NRG1: variants seen among roughly 807,000 people sequenced by gnomAD.
NRG1 encodes neuregulin 1.
A neutral mutation model predicts 63.8 loss-of-function variants in NRG1; 18 were observed. The observed-to-expected ratio is 0.28, with a 90% confidence interval of 0.19 to 0.42. The LOEUF is 0.42. Ranked by LOEUF, NRG1 falls within the 10% of genes least tolerant of loss-of-function variation. The probability of loss-of-function intolerance (pLI) is 1.00; values close to 1 mark genes in which losing one functional copy is unlikely to be tolerated. For synonymous variants in NRG1, 302 were observed against 301.3 expected, an observed-to-expected ratio of 1.00 and a Z score of -0.02; for missense variants, 762 against 814.7, an observed-to-expected ratio of 0.94 and a Z score of 0.79.
chr8:31,983,134 T>A (rs1809450004), intron 1 of NRG1, among the ~76,000 whole-genome samples: 1 of 152,136 alleles, frequency 6.6e-6, no homozygotes, highest in Non-Finnish European at 1.5e-5. Context: ...AGAATATTTT[T>A]CTTTCAATGA....
intron 1 of NRG1, among the ~76,000 whole-genome samples, chr8:32,084,146 TA>T (rs1425140216): frequency 1.3e-5 from 2 of 152,174 alleles, no homozygotes; most frequent in African/African-American, 4.8e-5. Flanking sequence ...TTATAGAAAC[TA>T]AAAATAGAAT....
intron 1 of NRG1, among the ~76,000 whole-genome samples, chr8:31,940,651 G>A (rs1801611853): frequency 6.6e-6 from 1 of 152,078 alleles, no homozygotes; most frequent in Non-Finnish European, 1.5e-5. Context: ...TATACCATTA[G>A]TGAGATTAAC....
At chr8:32,058,334 T>G (rs934257660) in intron 1 of NRG1, among the ~76,000 whole-genome samples, 43 of 152,138 alleles carry the variant, frequency 2.8e-4, no homozygotes, top group African/African-American at 9.6e-4. Context: ...ATAAAATAAA[T>G]AAGGATCTGA....
At chr8:32,299,333 AC>A (rs1234604338) in intron 1 of NRG1, among the ~76,000 whole-genome samples, 1 of 152,192 alleles carries the variant, frequency 6.6e-6, no homozygotes, top group African/African-American at 2.4e-5. Flanking sequence ...AGTGCCGAGG[AC>A]TAAAGATAAA....
chr8:31,737,049 A>T (rs894239172), intron 1 of NRG1, among the ~76,000 whole-genome samples: 3 of 152,154 alleles, frequency 2.0e-5, no homozygotes, highest in Admixed American at 6.6e-5. Flanking sequence ...CATCTAGGCC[A>T]AGACTGGGTC....
intron 1 of NRG1, among the ~76,000 whole-genome samples, chr8:32,332,152 G>GATATAAAAAA (rs1171883490): frequency 1.3e-5 from 2 of 152,010 alleles, no homozygotes; most frequent in African/African-American, 4.8e-5. Flanking sequence ...ATAAAAAAAA[G>GATATAAAAAA]AAGGTTGTAA....
chr8:32,727,097 C>T (rs571701074), intron 5 of NRG1, among the ~76,000 whole-genome samples: 41 of 152,174 alleles, frequency 2.7e-4, no homozygotes, highest in Admixed American at 2.6e-3. Context: ...GTACTAAATG[C>T]CCTGGTGGCC....
intron 1 of NRG1, among the ~76,000 whole-genome samples, chr8:32,535,716 C>T (rs1831897889): frequency 1.3e-5 from 2 of 152,102 alleles, no homozygotes; most frequent in Non-Finnish European, 2.9e-5. Context: ...CAATTGCTTC[C>T]CCATGTGCCT....
At chr8:32,114,258 C>T (rs992793824) in intron 1 of NRG1, among the ~76,000 whole-genome samples, 1 of 152,210 alleles carries the variant, frequency 6.6e-6, no homozygotes, top group African/African-American at 2.4e-5. Context: ...TCTGTCCCTG[C>T]AACATCTTTC....
At chr8:32,155,333 GA>G (rs2131856631) in intron 1 of NRG1, among the ~76,000 whole-genome samples, 1 of 152,256 alleles carries the variant, frequency 6.6e-6, no homozygotes, top group Non-Finnish European at 1.5e-5. Flanking sequence ...TTTGAATCTT[GA>G]GTTTTCTTCC....
At chr8:31,999,744 T>C (rs1222904360) in intron 1 of NRG1, among the ~76,000 whole-genome samples, 2 of 151,956 alleles carry the variant, frequency 1.3e-5, no homozygotes, top group African/African-American at 2.4e-5. Context: ...TGGGATCTTA[T>C]AATCATGTAA....
chr8:31,640,550 G>A lies in NRG1; in HGVS notation c.37+1119G>A, dbSNP rs992418789. 1.9e-6 allele frequency: 3 copies of A among 1,611,704 alleles called. No individual in the cohort carries two copies. The African/African-American group carries it at 4.0e-5, about 22-fold the overall frequency. ...CTCACCGTGCGCCTGGGGACCTGGG[G>A]CCACCCCGCCTTCCCCTCCTGCGGG... On this transcript the variant is annotated intron_variant, in intron 1 of 10. Transcript: ENST00000519301. This position sits in a 1 kb window ranked among gnomAD's most constrained non-coding sequence, Gnocchi z 6.3.
intron 1 of NRG1, among the ~76,000 whole-genome samples, chr8:32,483,424 C>A (rs907036674): frequency 6.6e-6 from 1 of 152,208 alleles, no homozygotes; most frequent in Non-Finnish European, 1.5e-5. Flanking sequence ...TCTACTCCAT[C>A]TCCGGCTTTT....
intron 1 of NRG1, among the ~76,000 whole-genome samples, chr8:31,970,357 T>G (rs1035717120): frequency 6.6e-6 from 1 of 152,144 alleles, no homozygotes; most frequent in African/African-American, 2.4e-5. Context: ...CCTGCTACCC[T>G]ATGGACATTG....
In NRG1 at chr8:32,758,268, T is replaced by C. The variant is rs558586487; in HGVS notation, c.922-1038T>C. Among the ~76,000 whole-genome samples the C allele has an allele frequency of 2.0e-5, 3 of 151,840 alleles. No individual in the cohort carries two copies. In the South Asian group the frequency reaches 6.2e-4, roughly 32 times the overall value. Reference sequence around the variant, plus strand: ...ATAGAAACAGTAAAAACTACTGTGGTTTGCTGATAAAAATAAAGTAGACTC... The same window carrying C: ...ATAGAAACAGTAAAAACTACTGTGGCTTGCTGATAAAAATAAAGTAGACTC... On this transcript the variant is annotated intron_variant, in intron 9 of 11. Transcript: ENST00000356819.
intron 1 of NRG1, among the ~76,000 whole-genome samples, chr8:32,084,465 C>A (rs1827934559): frequency 1.3e-5 from 2 of 152,064 alleles, no homozygotes; most frequent in African/African-American, 4.8e-5. Context: ...TAAATTATAG[C>A]TTGTGCCATC....
intron 1 of NRG1, among the ~76,000 whole-genome samples, chr8:31,699,141 T>G (rs1810373411): frequency 6.6e-6 from 1 of 152,240 alleles, no homozygotes; most frequent in Non-Finnish European, 1.5e-5. Context: ...AGTTCTTCAT[T>G]TCTCATGACA....
intron 1 of NRG1, among the ~76,000 whole-genome samples, chr8:32,468,484 C>T (rs1823355306): frequency 6.6e-6 from 1 of 152,170 alleles, no homozygotes; most frequent in South Asian, 2.1e-4. Context: ...AATCACTCAC[C>T]TCTACATTTT....
intron 1 of NRG1, among the ~76,000 whole-genome samples, chr8:31,648,124 C>CTTTTTTTTTTTTTTTTTTT (rs36074483): frequency 2.0e-5 from 1 of 51,274 alleles, no homozygotes; most frequent in African/African-American, 9.3e-5. Flanking sequence ...TTTGACTACT[C>CTTTTTTTTTTTTTTTTTTT]TTTTTTTTTT....
Sources: gnomAD v4.1 joint callset for allele counts (sites outside exome capture counted in the v4.1 genomes callset) on GRCh38, gnomAD v4.1.1 for gene constraint, Gnocchi (gnomAD v3.1) non-coding constraint, MANE v1.5 for transcripts, NCBI Gene and HGNC (gene_info 2026-07-23, HGNC 2026-07-21) for gene names.